SLC39A8: variants seen among roughly 807,000 people sequenced by gnomAD.
SLC39A8 encodes the protein solute carrier family 39 member 8.
In SLC39A8, 15 loss-of-function variants were observed where a neutral mutation model predicts 40.4. The ratio of observed to expected loss-of-function variants is 0.37; its 90% confidence interval spans 0.25 to 0.57. SLC39A8 has a LOEUF of 0.57. Among genes scored for constraint, SLC39A8 ranks in the 20% least tolerant of loss-of-function variants. SLC39A8 has a pLI of 0.75. For missense variants in SLC39A8, 472 were observed against 558.8 expected, an observed-to-expected ratio of 0.84 and a Z score of 1.57; for synonymous variants, 223 against 221.6, an observed-to-expected ratio of 1.01 and a Z score of -0.06.
At chr4:102,311,240 C>G (rs2060453407) in intron 3 of SLC39A8, among the ~76,000 whole-genome samples, 1 of 152,070 alleles carries the variant, frequency 6.6e-6, no homozygotes, top group Admixed American at 6.6e-5. Flanking sequence ...AAAATAGCTC[C>G]TATTTCATAG....
intron 6 of SLC39A8, among the ~76,000 whole-genome samples, chr4:102,296,062 A>G (rs888141374): frequency 6.6e-6 from 1 of 152,102 alleles, no homozygotes; most frequent in African/African-American, 2.4e-5. Context: ...GAGAGAGTAA[A>G]TGTTCCAAAT....
intron 2 of SLC39A8, among the ~76,000 whole-genome samples, chr4:102,323,336 G>A (rs1240546366): frequency 6.6e-6 from 1 of 152,172 alleles, no homozygotes; most frequent in Non-Finnish European, 1.5e-5. Flanking sequence ...GCATAGAAAG[G>A]AGATACATAT....
intron 2 of SLC39A8, among the ~76,000 whole-genome samples, chr4:102,327,641 C>T (rs1250952032): frequency 6.6e-6 from 1 of 152,154 alleles, no homozygotes; most frequent in South Asian, 2.1e-4. Context: ...AATGGATATT[C>T]CTTCAATAAG....
In SLC39A8 at chr4:102,344,646, G is replaced by T; in HGVS notation, c.17C>A (p.Ala6Glu). Residue 6 changes from alanine to glutamate, a missense_variant, in exon 2 of 9, where the codon GCG becomes GAG. Around this residue, in one of 4 missense-constraint regions of SLC39A8, gnomAD observed 175 missense variants for 160.5 expected, o/e 1.09. Transcript: ENST00000356736. MAPGR[A>E]VAGLLLLAAA... Reference sequence around the variant, plus strand: ...CGCCAGCAACAGGAGCCCGGCCACCGCGCGACCCGGGGCCATCCTGGCCTG... The same window carrying T: ...CGCCAGCAACAGGAGCCCGGCCACCTCGCGACCCGGGGCCATCCTGGCCTG... The T allele has an allele frequency of 6.5e-7, 1 of 1,535,974 alleles. No individual in the cohort carries two copies. The highest frequency in any genetic ancestry group is 8.8e-7 in the Non-Finnish European group (1 of 1,142,410).
At chr4:102,338,613 T>C (rs968463346) in intron 2 of SLC39A8, among the ~76,000 whole-genome samples, 10 of 152,206 alleles carry the variant, frequency 6.6e-5, no homozygotes, top group African/African-American at 2.4e-4. Flanking sequence ...AGTCGATGAC[T>C]AGTAACTTCT....
chr4:102,287,690 G>T (rs1257315760), intron 6 of SLC39A8, among the ~76,000 whole-genome samples: 3 of 151,932 alleles, frequency 2.0e-5, no homozygotes, highest in Admixed American at 1.3e-4. Context: ...AAAATTTCTA[G>T]TCAAATAAAT....
At position 102,294,201 on chromosome 4, in the gene SLC39A8, T is replaced by C. The variant is rs868050456; in HGVS notation, c.840+10116A>G. ...GGAAAATTAACATCCAGAATATATG[T>C]AAAACTCCTACAAATGACAGACTCT... is the stretch of plus-strand genomic sequence containing the variant. On this transcript the variant is annotated intron_variant, in intron 6 of 8. Coordinates refer to ENST00000356736, the MANE Select transcript of SLC39A8 (RefSeq NM_001135146.2). 3.9e-5 allele frequency among the ~76,000 whole-genome samples: 6 copies of C among 152,154 alleles called. No homozygotes were observed. The South Asian group carries it at 6.2e-4, about 16-fold the overall frequency.
At chr4:102,274,343 A>G (rs1732515444) in intron 6 of SLC39A8, among the ~76,000 whole-genome samples, 1 of 152,250 alleles carries the variant, frequency 6.6e-6, no homozygotes, top group Non-Finnish European at 1.5e-5. Context: ...AGCAGAAGAA[A>G]GTATATCAGA....
At chr4:102,319,521 C>T (rs1338686765) in intron 2 of SLC39A8, among the ~76,000 whole-genome samples, 1 of 152,256 alleles carries the variant, frequency 6.6e-6, no homozygotes, top group Non-Finnish European at 1.5e-5. Flanking sequence ...CATGTCTGAC[C>T]ACCCTGGTCC....
intron 6 of SLC39A8, among the ~76,000 whole-genome samples, chr4:102,276,545 A>G (rs1732627253): frequency 6.6e-6 from 1 of 152,216 alleles, no homozygotes; most frequent in East Asian, 1.9e-4. Context: ...TCACAGTCGA[A>G]TTCTACCAGA....
chr4:102,318,972 C>CT (rs536458141), intron 2 of SLC39A8, among the ~76,000 whole-genome samples: 39 of 152,224 alleles, frequency 2.6e-4, no homozygotes, highest in African/African-American at 9.4e-4. Flanking sequence ...CATAAAGACT[C>CT]TAAGTTTGAA....
At position 102,329,108 on chromosome 4, in the gene SLC39A8, A is replaced by G. The variant is rs1251185278; in HGVS notation, c.220-13278T>C. Reference sequence around the variant, plus strand: ...TAGGCTCCATGAATTTGGAGAAGACAGAGGTATTAGCCAACTCTGAAGTAA... The same window carrying G: ...TAGGCTCCATGAATTTGGAGAAGACGGAGGTATTAGCCAACTCTGAAGTAA... On this transcript the variant is annotated intron_variant, in intron 2 of 8. Transcript: ENST00000356736. Among the ~76,000 whole-genome samples the G allele has an allele frequency of 2.0e-5, 3 of 152,122 alleles. No homozygotes were observed. The East Asian group carries it at 5.8e-4, about 29-fold the overall frequency.
At chr4:102,311,054 C>T (rs1734405672) in intron 3 of SLC39A8, among the ~76,000 whole-genome samples, 3 of 152,036 alleles carry the variant, frequency 2.0e-5, no homozygotes. Context: ...ACAGCCCAGG[C>T]TTCAATTTTT....
At chr4:102,291,246 A>C (rs1261549176) in intron 6 of SLC39A8, among the ~76,000 whole-genome samples, 1 of 151,976 alleles carries the variant, frequency 6.6e-6, no homozygotes, top group Non-Finnish European at 1.5e-5. Flanking sequence ...CAGAGTAGCT[A>C]CATGTAACTT....
At chr4:102,332,215 C>T (rs140991625) in intron 2 of SLC39A8, among the ~76,000 whole-genome samples, 7 of 152,132 alleles carry the variant, frequency 4.6e-5, no homozygotes, top group African/African-American at 1.7e-4. Flanking sequence ...AAGCTATCAT[C>T]AAAGTGAACA....
Position 102,344,546 on chromosome 4 carries a change from C to G in SLC39A8, c.117G>C (p.Ala39=). The change falls in exon 2 of 9, where the codon GCG becomes GCC. Residue 39 remains alanine, a synonymous_variant. Transcript: ENST00000356736. ...FSEDVLSVFG[A]NLSLSAAQLQ... is the part of the protein sequence containing the mutation. ...GCTGCGCCGCCGACAGGCTCAGATT[C>G]GCGCCGAACACGCTCAGCACATCCT... is the stretch of plus-strand genomic sequence containing the variant. 1 of 1,557,446 alleles carries G rather than the reference C, an allele frequency of 6.4e-7. No homozygotes were observed. The highest frequency in any genetic ancestry group is 1.2e-5 in the South Asian group (1 of 84,282).
At chr4:102,257,865 G>A (rs1269080178), downstream of SLC39A8, among the ~76,000 whole-genome samples, 4 of 152,166 alleles carry the variant, frequency 2.6e-5, no homozygotes, top group Non-Finnish European at 4.4e-5. Flanking sequence ...CCTTTACAGT[G>A]AGCATGATAT....
At chr4:102,334,590 C>G (rs973649071) in intron 2 of SLC39A8, among the ~76,000 whole-genome samples, 1 of 152,108 alleles carries the variant, frequency 6.6e-6, no homozygotes, top group African/African-American at 2.4e-5. Flanking sequence ...AGAACATATG[C>G]CAGCTTCAAA....
intron 6 of SLC39A8, 73 bp from the exon 7 acceptor site, chr4:102,268,152 G>GGTTTTT: frequency 6.6e-7 from 1 of 1,506,420 alleles, no homozygotes. Context: ...GTTGGAGATG[G>GGTTTTT]GTTGTGCTTG....
Sources: gnomAD v4.1 joint callset for allele counts (sites outside exome capture counted in the v4.1 genomes callset) on GRCh38, gnomAD v4.1.1 for gene constraint, gnomAD v4.1.1 regional missense constraint, MANE v1.5 for transcripts, NCBI Gene and HGNC (gene_info 2026-07-23, HGNC 2026-07-21) for gene names.